Variants in CACNA1A observed in about 807,000 individuals in gnomAD.
CACNA1A encodes the protein calcium voltage-gated channel subunit alpha1 A, also known as voltage-dependent P/Q-type calcium channel subunit alpha-1A.
In CACNA1A, 57 loss-of-function variants were observed where a neutral mutation model predicts 262.4. The ratio of observed to expected loss-of-function variants is 0.22; its 90% CI spans 0.18 to 0.27. CACNA1A has a LOEUF of 0.27. Ranked by LOEUF, CACNA1A falls within the 10% of genes least tolerant of loss-of-function variation. The pLI is 1.00. For missense variants in CACNA1A, 2,526 were observed against 3,562.8 expected (o/e 0.71, Z 7.41); for synonymous variants, 1,431 against 1,419.3 (o/e 1.01, Z -0.18).
chr19:13,332,217 A>G (rs2058479928), intron 9 of CACNA1A, among the ~76,000 whole-genome samples: 1 of 152,150 alleles, frequency 6.6e-6, no homozygotes, highest in Non-Finnish European at 1.5e-5. Flanking sequence ...CCCGGCCAAC[A>G]TGGCGAAACC....
intron 6 of CACNA1A, among the ~76,000 whole-genome samples, chr19:13,341,584 A>C (rs2058677066): frequency 6.6e-6 from 1 of 152,112 alleles, no homozygotes; most frequent in Non-Finnish European, 1.5e-5. Context: ...CGCCAAGCAC[A>C]GTCCTACCTC....
At chr19:13,349,763 A>T (rs2058872851) in intron 6 of CACNA1A, among the ~76,000 whole-genome samples, 1 of 152,220 alleles carries the variant, frequency 6.6e-6, no homozygotes, top group South Asian at 2.1e-4. Flanking sequence ...CTTCATCTGT[A>T]AAATGGGGAT....
intron 31 of CACNA1A, 68 bp downstream of exon 31, chr19:13,245,114 C>G: frequency 8.0e-7 from 1 of 1,252,496 alleles, no homozygotes; most frequent in South Asian, 1.2e-5. Context: ...TGGGACCGCT[C>G]CCCCGCCCCC....
chr19:13,463,941 T>C (rs1456408763), intron 1 of CACNA1A, among the ~76,000 whole-genome samples: 1 of 152,148 alleles, frequency 6.6e-6, no homozygotes, highest in Non-Finnish European at 1.5e-5. Flanking sequence ...TTTCCTCATA[T>C]ATAAAAGGTA....
chr19:13,309,573 G>A (rs1471381475), intron 12 of CACNA1A, among the ~76,000 whole-genome samples: 1 of 151,708 alleles, frequency 6.6e-6, no homozygotes, highest in Admixed American at 6.6e-5. Flanking sequence ...TGTGCCTATA[G>A]TCCCAGCTAC....
intron 3 of CACNA1A, among the ~76,000 whole-genome samples, chr19:13,376,551 A>G (rs894258520): frequency 2.7e-5 from 4 of 149,404 alleles, no homozygotes; most frequent in African/African-American, 9.8e-5. Context: ...ATATATATAT[A>G]ATATATAACA....
At chr19:13,494,572 A>ATGGGGCC (rs1981273608) in intron 1 of CACNA1A, among the ~76,000 whole-genome samples, 1 of 152,226 alleles carries the variant, frequency 6.6e-6, no homozygotes, top group Admixed American at 6.5e-5. Flanking sequence ...ACCAGATCAC[A>ATGGGGCC]TGGGGCCTTA....
rs543498558 is a variant in CACNA1A at position 13,262,965 on chromosome 19, C to G, written c.3990-132G>C. 1.9e-5 allele frequency: 13 copies of G among 686,682 alleles called. 1 individual carries two copies. In the Middle Eastern group the frequency reaches 1.4e-3, roughly 71 times the overall value. The allele number at this position is 686,682 out of a possible 1,614,324, so 42.5% of individuals were successfully genotyped here. On this transcript the variant is annotated intron_variant, in intron 24 of 46. Transcript: ENST00000360228. ...AGTCTGGGGTGAGCTTGGCACAGCC[C>G]TGCCCTTCCTGGTGAAGAGTGGTCC...
Position 13,330,455 on chromosome 19 carries a change from T to C in CACNA1A, c.1256-122A>G, listed in dbSNP as rs938899007. 4.6e-5 allele frequency: 34 copies of C among 740,014 alleles called. 1 individual carries two copies. In the South Asian group the frequency reaches 5.1e-4, roughly 11 times the overall value. 45.8% of individuals were successfully genotyped at this position (740,014 alleles called of 1,614,324 possible). A position where few individuals can be genotyped will look rare whatever the true frequency, so the allele number is the denominator to read the frequency against. On this transcript the variant is annotated intron_variant, in intron 9 of 46. Transcript: ENST00000360228. ...CAACTGTTCTCACGGGAACTAATAGTATACCCATTTTTCAGATGTGTAAAC... is the reference window on the plus strand; with the variant it reads ...CAACTGTTCTCACGGGAACTAATAGCATACCCATTTTTCAGATGTGTAAAC...
intron 15 of CACNA1A, among the ~76,000 whole-genome samples, chr19:13,304,875 G>C (rs1036941750): frequency 6.6e-6 from 1 of 152,154 alleles, no homozygotes; most frequent in Non-Finnish European, 1.5e-5. Flanking sequence ...CCAGTGTGTG[G>C]TATTTTGTTA....
At chr19:13,319,518 A>C (rs2058203215) in intron 10 of CACNA1A, among the ~76,000 whole-genome samples, 1 of 152,014 alleles carries the variant, frequency 6.6e-6, no homozygotes, top group Non-Finnish European at 1.5e-5. Flanking sequence ...ACGTTTATCA[A>C]AACCACCCCA....
chr19:13,245,239 G>A lies in CACNA1A; in HGVS notation c.4893C>T (p.Ile1631=). 1.2e-6 allele frequency: 2 copies of A among 1,614,008 alleles called. No individual in the cohort carries two copies. The highest frequency in any genetic ancestry group is 1.7e-6 in the Non-Finnish European group (2 of 1,179,852). The stretch of plus-strand genomic sequence containing the variant: ...TGCCCAGAACAGTCACAAAGTCGAA[G>A]ATGTTCCAGGCATCGCGGAAATAAT... ...ILNYFRDAWN[I]FDFVTVLGSI... is the part of the protein sequence containing the mutation. The change falls in exon 31 of 47, where the codon ATC becomes ATT. Residue 1631 remains isoleucine (I), a synonymous_variant. Transcript: ENST00000360228.
intron 1 of CACNA1A, among the ~76,000 whole-genome samples, chr19:13,473,760 C>T (rs1469025700): frequency 6.6e-6 from 1 of 151,812 alleles, no homozygotes; most frequent in Non-Finnish European, 1.5e-5. Flanking sequence ...CCCCCACCCC[C>T]CTGCCTCCCA....
rs780583604 is a variant in CACNA1A, at chr19:13,371,639, T to A, written c.631+49A>T. 12 of 1,381,186 alleles carry A rather than the reference T, an allele frequency of 8.7e-6. No individual in the cohort carries two copies. In the South Asian group the frequency reaches 1.5e-4, roughly 17 times the overall value. The allele number at this position is 1,381,186 out of a possible 1,614,324, so 85.6% of individuals were successfully genotyped here. A position where few individuals can be genotyped will look rare whatever the true frequency, so the allele number is the denominator to read the frequency against. On this transcript the variant is annotated intron_variant, in intron 4 of 46. Transcript: ENST00000360228. ...GCTCTGCATAGGGGAAACTGAGGGCTCCTGGGGCCCGTGAGCAAACCCCTT... is the reference window on the plus strand; with the variant it reads ...GCTCTGCATAGGGGAAACTGAGGGCACCTGGGGCCCGTGAGCAAACCCCTT...
chr19:13,234,732 C>T (rs2055812238), intron 34 of CACNA1A, 189 bp downstream of exon 34: 33 of 407,640 alleles, frequency 8.1e-5, no homozygotes, highest in Non-Finnish European at 1.1e-4. Flanking sequence ...GCCGGCACGT[C>T]CCCTACCGGA....
At chr19:13,281,153 G>A (rs1038532004) in intron 22 of CACNA1A, among the ~76,000 whole-genome samples, 2 of 151,814 alleles carry the variant, frequency 1.3e-5, no homozygotes, top group Admixed American at 6.6e-5. Flanking sequence ...ATCTGAGGAG[G>A]GAGGATTGCT....
chr19:13,319,287 T>C (rs2058197508), intron 10 of CACNA1A, among the ~76,000 whole-genome samples: 1 of 152,250 alleles, frequency 6.6e-6, no homozygotes, highest in Admixed American at 6.5e-5. Flanking sequence ...ATTCATTCTT[T>C]CATCCATCCA....
At chr19:13,492,604 G>A (rs1033667599) in intron 1 of CACNA1A, among the ~76,000 whole-genome samples, 58 of 152,166 alleles carry the variant, frequency 3.8e-4, no homozygotes, top group African/African-American at 1.3e-3. Context: ...TGTGATCAGT[G>A]TTGGTGGAAA....
Position 13,454,235 on chromosome 19 carries a change from G to A in CACNA1A, c.399+872C>T, listed in dbSNP as rs560305147. Among the ~76,000 whole-genome samples, 6 of 151,162 alleles carry A rather than the reference G, an allele frequency of 4.0e-5. 1 individual carries two copies. Among genetic ancestry groups the A allele is most frequent in the African/African-American group, 9.7e-5 (4 of 41,274 alleles). On this transcript the variant is annotated intron_variant, in intron 2 of 46. Transcript: ENST00000360228. Reference sequence around the variant, plus strand: ...GGTGGGGCTGAAAGTCGCAACCCTCGAATCATGCCTTGGTCTTTCTGGTGA... The same window carrying A: ...GGTGGGGCTGAAAGTCGCAACCCTCAAATCATGCCTTGGTCTTTCTGGTGA...
Sources: allele counts gnomAD v4.1 joint callset (sites outside exome capture counted in the v4.1 genomes callset), GRCh38; gene constraint gnomAD v4.1.1; transcripts MANE v1.5; gene names NCBI Gene and HGNC (gene_info 2026-07-23, HGNC 2026-07-21).